Variants in XYLT1 observed in about 807,000 individuals in gnomAD.
XYLT1 encodes xylosyltransferase 1.
XYLT1 carries 36 observed loss-of-function variants against 91.3 expected under a neutral mutation model. That is an observed-to-expected ratio of 0.39 (90% CI 0.30 to 0.52). The LOEUF is 0.52. Ranked by LOEUF, XYLT1 falls within the 20% of genes least tolerant of loss-of-function variation. The pLI is 0.68. For synonymous variants in XYLT1, 588 were observed against 532.0 expected (o/e 1.11, Z -1.45); for missense variants, 1,242 against 1,284.5 (o/e 0.97, Z 0.51).
chr16:17,320,101 T>C (rs1431925227), intron 2 of XYLT1, among the ~76,000 whole-genome samples: 1 of 152,208 alleles, frequency 6.6e-6, no homozygotes, highest in African/African-American at 2.4e-5. Context: ...AGCAGCTCCT[T>C]CTTCACTTCT....
chr16:17,468,629 G>A (rs1003972764), intron 1 of XYLT1, among the ~76,000 whole-genome samples: 6 of 152,192 alleles, frequency 3.9e-5, no homozygotes, highest in Admixed American at 1.3e-4. Context: ...ACAGAGAGGG[G>A]CTGGGGGTGG....
chr16:17,121,875 AT>A (rs1418565065), intron 10 of XYLT1, among the ~76,000 whole-genome samples: 1 of 152,070 alleles, frequency 6.6e-6, no homozygotes, highest in Non-Finnish European at 1.5e-5. Flanking sequence ...GAATTACTTC[AT>A]TTAGAATAAT....
At chr16:17,264,899 C>T (rs2033779774) in intron 2 of XYLT1, among the ~76,000 whole-genome samples, 1 of 151,996 alleles carries the variant, frequency 6.6e-6, no homozygotes, top group African/African-American at 2.4e-5. Flanking sequence ...ATAATAATAT[C>T]CATCTCAGGC....
At chr16:17,189,024 G>A (rs1033395142) in intron 5 of XYLT1, among the ~76,000 whole-genome samples, 1 of 152,184 alleles carries the variant, frequency 6.6e-6, no homozygotes, top group Admixed American at 6.5e-5. Context: ...ACACATAGTA[G>A]GTGCTCAATA....
At chr16:17,457,054 G>C (rs2036753742) in intron 1 of XYLT1, among the ~76,000 whole-genome samples, 1 of 152,208 alleles carries the variant, frequency 6.6e-6, no homozygotes, top group South Asian at 2.1e-4. Flanking sequence ...CCGTGTACAC[G>C]AGGCAGCCAC....
At chr16:17,290,147 G>T (rs2034199916) in intron 2 of XYLT1, among the ~76,000 whole-genome samples, 1 of 152,208 alleles carries the variant, frequency 6.6e-6, no homozygotes, top group Non-Finnish European at 1.5e-5. Context: ...AAAAGAAAAA[G>T]AGGTAGACTT....
At chr16:17,367,974 C>T (rs77720254) in intron 1 of XYLT1, among the ~76,000 whole-genome samples, 7 of 152,318 alleles carry the variant, frequency 4.6e-5, no homozygotes, top group Non-Finnish European at 8.8e-5. Flanking sequence ...AATTTCTATG[C>T]ACATCCCTCC....
intron 1 of XYLT1, among the ~76,000 whole-genome samples, chr16:17,433,935 G>C (rs1279269606): frequency 1.3e-5 from 2 of 150,768 alleles, no homozygotes; most frequent in African/African-American, 2.4e-5. Flanking sequence ...AGCTTATCAA[G>C]AGCAGGCAAA....
rs35385207 is a variant in XYLT1 at position 17,448,034 on chromosome 16, C to A, written c.363+22400G>T. On this transcript the variant is annotated intron_variant, in intron 1 of 11. Coordinates refer to ENST00000261381, the MANE Select transcript of XYLT1 (RefSeq NM_022166.4). ...AAACATACACATCAATTGTAAAATTCATCCCAGATTTCAGAAAGGCTATTT... is the reference window on the plus strand; with the variant it reads ...AAACATACACATCAATTGTAAAATTAATCCCAGATTTCAGAAAGGCTATTT... Among the ~76,000 whole-genome samples the A allele has an allele frequency of 1.6e-3, 247 of 152,274 alleles. 2 individuals carry two copies. Among genetic ancestry groups the A allele is most frequent in the Non-Finnish European group, 2.6e-3 (174 of 68,016 alleles).
intron 1 of XYLT1, among the ~76,000 whole-genome samples, chr16:17,427,385 C>A (rs1596540274): frequency 6.6e-6 from 1 of 152,330 alleles, no homozygotes; most frequent in East Asian, 1.9e-4. Flanking sequence ...GGCAGCCTCC[C>A]AGGCTTAAGC....
intron 6 of XYLT1, among the ~76,000 whole-genome samples, chr16:17,146,336 C>A (rs1168937406): frequency 2.0e-5 from 3 of 152,196 alleles, no homozygotes; most frequent in African/African-American, 7.2e-5. Flanking sequence ...CTTAATTCGG[C>A]TGAAATGTGC....
At chr16:17,173,434 T>C (rs1444640824) in intron 5 of XYLT1, among the ~76,000 whole-genome samples, 2 of 152,250 alleles carry the variant, frequency 1.3e-5, no homozygotes, top group Non-Finnish European at 2.9e-5. Context: ...CCTCTATGCA[T>C]TAAGAGCATA....
intron 2 of XYLT1, among the ~76,000 whole-genome samples, chr16:17,273,823 G>A (rs919100832): frequency 2.1e-5 from 3 of 142,390 alleles, no homozygotes; most frequent in African/African-American, 8.0e-5. Context: ...CAGCCTAGGC[G>A]TCACAGTGAG....
At chr16:17,338,282 C>A in intron 2 of XYLT1, 1 of 456,492 alleles carries the variant, frequency 2.2e-6, no homozygotes, top group South Asian at 1.5e-5. Context: ...GCTCCTCAAA[C>A]ATCTTCAGTG....
chr16:17,370,395 A>G (rs1209149997), intron 1 of XYLT1, among the ~76,000 whole-genome samples: 2 of 152,244 alleles, frequency 1.3e-5, no homozygotes, highest in Non-Finnish European at 2.9e-5. Context: ...GCTCACATGC[A>G]TGCCACGCTT....
chr16:17,133,479 T>C (rs931525753), intron 9 of XYLT1, among the ~76,000 whole-genome samples: 2 of 152,192 alleles, frequency 1.3e-5, no homozygotes, highest in African/African-American at 4.8e-5. Context: ...ATGGCAACAG[T>C]GAAGGGCCAG....
chr16:17,267,117 G>A lies in XYLT1; in HGVS notation c.403-7619C>T, dbSNP rs142443265. On this transcript the variant is annotated intron_variant, in intron 2 of 11. Transcript: ENST00000261381. ...TGCAAAACAGCACAGGGTGAGGCAG[G>A]AAGGAGTGAGACTGATAGGGCTGGG... Among the ~76,000 whole-genome samples, 32 of 152,328 alleles carry A rather than the reference G, an allele frequency of 2.1e-4. 1 individual carries two copies. Among genetic ancestry groups the A allele is most frequent in the Admixed American group, 6.5e-5 (1 of 15,302 alleles).
At chr16:17,164,716 A>T (rs2141548953) in intron 5 of XYLT1, among the ~76,000 whole-genome samples, 1 of 152,260 alleles carries the variant, frequency 6.6e-6, no homozygotes, top group Non-Finnish European at 1.5e-5. Context: ...TTCCTTTTTA[A>T]GGCTGAATAA....
rs572736317 is a variant in XYLT1 at position 17,436,098 on chromosome 16, T to C, written c.363+34336A>G. Among the ~76,000 whole-genome samples, 30 of 152,334 alleles carry C rather than the reference T, an allele frequency of 2.0e-4. No homozygotes were observed. In the South Asian group the frequency reaches 5.6e-3, roughly 28 times the overall value. On this transcript the variant is annotated intron_variant, in intron 1 of 11. Coordinates refer to ENST00000261381, the MANE Select transcript of XYLT1 (RefSeq NM_022166.4). ...ATGGTTTAATAAATGGGAGTTCCCC[T>C]GCACATGCTCTCTTACCTGCCATCA...
Sources: gnomAD v4.1 joint callset for allele counts (sites outside exome capture counted in the v4.1 genomes callset) on GRCh38, gnomAD v4.1.1 for gene constraint, MANE v1.5 for transcripts, NCBI Gene and HGNC (gene_info 2026-07-23, HGNC 2026-07-21) for gene names.